Variants in SLC25A27 observed in about 807,000 individuals in gnomAD.
The protein encoded by SLC25A27 is mitochondrial uncoupling protein 4.
Under a neutral mutation model 49.1 loss-of-function variants are expected in SLC25A27, and 35 were observed. The observed-to-expected ratio is 0.71, with a 90% CI of 0.54 to 0.95. The LOEUF is 0.95. Among genes scored for constraint, SLC25A27 ranks in the 40% least tolerant of loss-of-function variants. The probability of loss-of-function intolerance (pLI) is 0.00; values close to 1 mark genes in which losing one functional copy is unlikely to be tolerated. For synonymous variants in SLC25A27, 144 were observed against 136.9 expected (o/e 1.05, Z -0.36); for missense variants, 339 against 397.1 (o/e 0.85, Z 1.24).
intron 7 of SLC25A27, chr6:46,670,448 TTTA>T: frequency 4.2e-6 from 2 of 475,460 alleles, no homozygotes; most frequent in Non-Finnish European, 7.3e-6. Context: ...ACACAAGATT[TTTA>T]TTATGACTTT....
Position 46,665,672 on chromosome 6 carries a change from C to T in SLC25A27, c.619+786C>T, listed in dbSNP as rs149339682. Among the ~76,000 whole-genome samples, 224 of 151,856 alleles carry T rather than the reference C, an allele frequency of 1.5e-3. 1 individual carries two copies. The highest frequency in any genetic ancestry group is 2.3e-3 in the Non-Finnish European group (154 of 67,920). ...CTGTACTCTAGACTGGGCAACAGAG[C>T]GAGACTCCATCTCAAAAGAAAAAAA... On this transcript the variant is annotated intron_variant, in intron 5 of 8. Coordinates refer to ENST00000371347, the MANE Select transcript of SLC25A27 (RefSeq NM_004277.5).
At chr6:46,655,531 GTTTGTTTTTTTTTTTTTTTTTTTTT>G (rs768777769) in intron 1 of SLC25A27, among the ~76,000 whole-genome samples, 58,913 of 98,424 alleles carry the variant, frequency 0.6, 13,338 homozygotes, top group East Asian at 0.71. Flanking sequence ...TATTGTTAAT[GTTTGTTTTTTTTTTTTTTTTTTTTT>G]TTTTTTTTTT....
At chr6:46,660,057 A>G (rs971773626) in intron 3 of SLC25A27, among the ~76,000 whole-genome samples, 1 of 152,114 alleles carries the variant, frequency 6.6e-6, no homozygotes, top group East Asian at 1.9e-4. Flanking sequence ...CTGGCTTCTA[A>G]TCACCCACAA....
rs769764310 is a variant in SLC25A27, at chr6:46,676,711, C to T, written c.*257C>T. On this transcript the variant is annotated 3_prime_UTR_variant, in exon 9 of 9. Coordinates refer to ENST00000371347, the MANE Select transcript of SLC25A27 (RefSeq NM_004277.5). Reference sequence around the variant, plus strand: ...CGCACAGCATTTTCTAAAGAAGAATCGAAGCCTGACCACTTTCACCTTGGG... The same window carrying T: ...CGCACAGCATTTTCTAAAGAAGAATTGAAGCCTGACCACTTTCACCTTGGG... 15 of 1,545,948 alleles carry T rather than the reference C, an allele frequency of 9.7e-6. No homozygotes were observed. In the East Asian group the frequency reaches 1.2e-4, roughly 13 times the overall value.
At chr6:46,659,472 T>C (rs889897085) in intron 3 of SLC25A27, among the ~76,000 whole-genome samples, 4 of 152,116 alleles carry the variant, frequency 2.6e-5, no homozygotes, top group African/African-American at 9.7e-5. Flanking sequence ...GGTGAGATGA[T>C]GAATGTAAGT....
chr6:46,659,133 A>C, intron 3 of SLC25A27, 87 bp downstream of exon 3: 1 of 859,278 alleles, frequency 1.2e-6, no homozygotes, highest in Non-Finnish European at 1.9e-6. Flanking sequence ...TTTGTACCCA[A>C]ATTGCCTTAA....
At position 46,655,531 on chromosome 6, in the gene SLC25A27, G is replaced by GTTTTT. The variant is rs1283936753; in HGVS notation, c.107-309_107-308insTTTTT. On this transcript the variant is annotated intron_variant, in intron 1 of 8. Coordinates refer to ENST00000371347, the MANE Select transcript of SLC25A27 (RefSeq NM_004277.5). ...TGTCATTTTAATTTTTATTGTTAAT[G>GTTTTT]TTTGTTTTTTTTTTTTTTTTTTTTT... Among the ~76,000 whole-genome samples the GTTTTT allele has an allele frequency of 6.1e-5, 6 of 98,548 alleles. 1 individual carries two copies. Among genetic ancestry groups the GTTTTT allele is most frequent in the African/African-American group, 2.2e-4 (6 of 26,864 alleles). The allele number at this position is 98,548 out of a possible 152,430, so 64.7% of individuals were successfully genotyped here. A position where few individuals can be genotyped will look rare whatever the true frequency, so the allele number is the denominator to read the frequency against.
chr6:46,656,613 T>C (rs2150632372), intron 2 of SLC25A27, among the ~76,000 whole-genome samples: 1 of 152,280 alleles, frequency 6.6e-6, no homozygotes, highest in South Asian at 2.1e-4. Context: ...GAGACGGGGT[T>C]TCACCATATT....
rs566205036 is a variant in SLC25A27, at chr6:46,676,385, C to T, written c.903C>T (p.Thr301=). 17 of 1,613,156 alleles carry T rather than the reference C, an allele frequency of 1.1e-5. No individual in the cohort carries two copies. The highest frequency in any genetic ancestry group is 1.4e-5 in the Non-Finnish European group (16 of 1,179,596). Residue 301 remains threonine (T), a splice_region_variant and synonymous_variant, in exon 9 of 9, where the codon ACC becomes ACT. Coordinates refer to ENST00000371347, the MANE Select transcript of SLC25A27 (RefSeq NM_004277.5). ...AACTTCTTTGGTTAATCTTTCAGAC[C>T]CCTTGGTCAATGGTGTTCTGGCTTA... ...KGFLPSWLRM[T]PWSMVFWLTY...
At chr6:46,671,325 G>A in intron 8 of SLC25A27, 97 bp downstream of exon 8, 1 of 612,360 alleles carries the variant, frequency 1.6e-6, no homozygotes, top group African/African-American at 2.0e-5. Flanking sequence ...TTGAAGCATG[G>A]CCCTGCCCCC....
At chr6:46,670,462 A>C in intron 7 of SLC25A27, 1 of 440,906 alleles carries the variant, frequency 2.3e-6, no homozygotes, top group Non-Finnish European at 4.0e-6. Context: ...TTATGACTTT[A>C]TTGTTTTTAA....
intron 8 of SLC25A27, among the ~76,000 whole-genome samples, chr6:46,675,166 C>A (rs980774151): frequency 6.6e-6 from 1 of 152,170 alleles, no homozygotes; most frequent in Non-Finnish European, 1.5e-5. Context: ...ATCCCTTCTA[C>A]TGGGTAGAGG....
chr6:46,659,056 G>C lies in SLC25A27; in HGVS notation c.383+10G>C. On this transcript the variant is annotated intron_variant, in intron 3 of 8. Transcript: ENST00000371347. ...AGCATTATCCCCTTTGGTAAGTTTT[G>C]TTTGGAAAATAATATGCTGTTGCCC... is the stretch of plus-strand genomic sequence containing the variant. 6.3e-7 allele frequency: 1 copy of C among 1,584,946 alleles called. No homozygotes were observed. The highest frequency in any genetic ancestry group is 8.6e-7 in the Non-Finnish European group (1 of 1,156,992).
In SLC25A27 at chr6:46,653,058, G is replaced by A. The variant is rs1762807351; in HGVS notation, c.-135G>A. Reference sequence around the variant, plus strand: ...GAAGGTTGCGGGTCCACCCGGCCGAGCCGAACGAGGGAAATGGTCCTCACC... The same window carrying A: ...GAAGGTTGCGGGTCCACCCGGCCGAACCGAACGAGGGAAATGGTCCTCACC... On this transcript the variant is annotated 5_prime_UTR_variant, in exon 1 of 9. Transcript: ENST00000371347. 4 of 816,244 alleles carry A rather than the reference G, an allele frequency of 4.9e-6. No individual in the cohort carries two copies. Among genetic ancestry groups the A allele is most frequent in the East Asian group, 5.3e-5 (2 of 37,446 alleles). The allele number at this position is 816,244 out of a possible 1,614,324, so 50.6% of individuals were successfully genotyped here. A position where few individuals can be genotyped will look rare whatever the true frequency, so the allele number is the denominator to read the frequency against.
chr6:46,670,075 C>G (rs567169058), intron 6 of SLC25A27, 60 bp from the exon 7 acceptor site: 1 of 1,060,524 alleles, frequency 9.4e-7, no homozygotes, highest in South Asian at 1.6e-5. Flanking sequence ...ACCACATTCC[C>G]TTTCCTAAGC....
intron 3 of SLC25A27, among the ~76,000 whole-genome samples, chr6:46,660,817 T>C (rs1049302686): frequency 6.6e-6 from 1 of 152,254 alleles, no homozygotes; most frequent in Non-Finnish European, 1.5e-5. Flanking sequence ...GCTATACTAA[T>C]TGCTTTCCCA....
chr6:46,671,950 T>C (rs1464106376), intron 8 of SLC25A27, among the ~76,000 whole-genome samples: 1 of 151,592 alleles, frequency 6.6e-6, no homozygotes, highest in Non-Finnish European at 1.5e-5. Context: ...CAATATATTA[T>C]AATACAATTA....
chr6:46,658,354 T>C (rs1231743056), intron 2 of SLC25A27: 1 of 220,206 alleles, frequency 4.5e-6, no homozygotes, highest in African/African-American at 2.4e-5. Context: ...AAATATTTTC[T>C]GCTTTGCATC....
chr6:46,669,991 T>C (rs963493326), intron 6 of SLC25A27, 144 bp from the exon 7 acceptor site: 1 of 536,708 alleles, frequency 1.9e-6, no homozygotes, highest in Non-Finnish European at 3.2e-6. Context: ...TTTAATTAAT[T>C]TAGCATTAAT....
Sources: gnomAD v4.1 joint callset for allele counts (sites outside exome capture counted in the v4.1 genomes callset) on GRCh38, gnomAD v4.1.1 for gene constraint, MANE v1.5 for transcripts, NCBI Gene and HGNC (gene_info 2026-07-23, HGNC 2026-07-21) for gene names.